The following SEL1L3 variants were observed in gnomAD, a reference collection of about 807,000 sequenced individuals.
SEL1L3 encodes protein sel-1 homolog 3.
In SEL1L3, 76 loss-of-function variants were observed where a neutral mutation model predicts 142.8. The observed-to-expected ratio is 0.53, with a 90% CI of 0.44 to 0.64. The LOEUF (loss-of-function observed/expected upper bound fraction) is 0.64, where lower values mean the gene tolerates loss of function less well. Among genes scored for constraint, SEL1L3 ranks in the 30% least tolerant of loss-of-function variants. The pLI, the probability that SEL1L3 is intolerant of heterozygous loss-of-function variation, is 0.00. For synonymous variants in SEL1L3, 504 were observed against 519.6 expected (o/e 0.97, Z 0.41); for missense variants, 1,262 against 1,381.7 (o/e 0.91, Z 1.37).
At chr4:25,743,381 G>A (rs891287612), downstream of SEL1L3, among the ~76,000 whole-genome samples, 1 of 152,154 alleles carries the variant, frequency 6.6e-6, no homozygotes, top group Non-Finnish European at 1.5e-5. Context: ...CCTACCCTCT[G>A]TTAACCCAAA....
At chr4:25,803,632 A>C (rs1480373064) in intron 10 of SEL1L3, among the ~76,000 whole-genome samples, 1 of 152,194 alleles carries the variant, frequency 6.6e-6, no homozygotes, top group Non-Finnish European at 1.5e-5. Context: ...GGTAAGCTAC[A>C]CAGACGGCCT....
Position 25,833,558 on chromosome 4 carries a change from G to T in SEL1L3, c.872C>A (p.Ser291Ter). ...ATAATGGAGTAAATAAAGCCACAATGAAACAGTAAACCTATAAGAGTGAGG... is the reference window on the plus strand; with the variant it reads ...ATAATGGAGTAAATAAAGCCACAATTAAACAGTAAACCTATAAGAGTGAGG... ...QRMDYPVFTVSLWLYLLHYCK... is the reference protein window; with the variant it reads ...QRMDYPVFTV Residue 291 changes from serine (S) to a stop codon, truncating the protein, a stop_gained, in exon 4 of 24, where the codon TCA becomes TAA. Coordinates refer to ENST00000399878, the MANE Select transcript of SEL1L3 (RefSeq NM_015187.5). LOFTEE classifies it high-confidence loss of function. 1.9e-6 allele frequency: 3 copies of T among 1,611,222 alleles called. No homozygotes were observed. The highest frequency in any genetic ancestry group is 2.5e-6 in the Non-Finnish European group (3 of 1,178,664).
chr4:25,716,729 T>A, the SEL1L3 span, among the ~76,000 whole-genome samples: 1 of 152,178 alleles, frequency 6.6e-6, no homozygotes, highest in African/African-American at 2.4e-5. Flanking sequence ...TAAAGAATAT[T>A]ACTTAAATAA....
intron 1 of SEL1L3, among the ~76,000 whole-genome samples, chr4:25,859,682 G>C (rs1352074762): frequency 2.0e-5 from 3 of 152,180 alleles, no homozygotes; most frequent in Non-Finnish European, 4.4e-5. Context: ...TGCATTCCAA[G>C]GCACATTTGC....
At chr4:25,770,172 GT>G (rs1409306052) in intron 17 of SEL1L3, 1 of 152,160 alleles carries the variant, frequency 6.6e-6, no homozygotes, top group East Asian at 1.9e-4. Flanking sequence ...CAATAGGCTG[GT>G]TGTCAGAATG....
chr4:25,841,123 C>T (rs1251484578), intron 2 of SEL1L3, among the ~76,000 whole-genome samples: 1 of 152,052 alleles, frequency 6.6e-6, no homozygotes, highest in Non-Finnish European at 1.5e-5. Context: ...GCCTCCATCT[C>T]CTGAATTCAA....
chr4:25,797,108 A>G (rs1373026688), intron 11 of SEL1L3, among the ~76,000 whole-genome samples: 1 of 150,842 alleles, frequency 6.6e-6, no homozygotes, highest in African/African-American at 2.4e-5. Flanking sequence ...GAAGTGGAAA[A>G]GAGAGAAAGA....
At chr4:25,772,064 C>G (rs942190569) in intron 17 of SEL1L3, among the ~76,000 whole-genome samples, 2 of 152,074 alleles carry the variant, frequency 1.3e-5, no homozygotes, top group Non-Finnish European at 2.9e-5. Flanking sequence ...ACTGGGACAT[C>G]GATGGATGAT....
chr4:25,733,972 A>C, the SEL1L3 span, among the ~76,000 whole-genome samples: 1 of 152,280 alleles, frequency 6.6e-6, no homozygotes, highest in Middle Eastern at 3.4e-3. Flanking sequence ...ACTTTTTATC[A>C]GATTGAGGAA....
chr4:25,850,402 C>A lies in SEL1L3; in HGVS notation c.163-2538G>T, dbSNP rs73117363. On this transcript the variant is annotated intron_variant, in intron 1 of 23. Transcript: ENST00000399878. ...AACTGCACTGAGATACCATTTTTTCCCTACTAGATTTGCAAAGATCAAAAA... is the reference window on the plus strand; with the variant it reads ...AACTGCACTGAGATACCATTTTTTCACTACTAGATTTGCAAAGATCAAAAA... 8.0e-3 allele frequency among the ~76,000 whole-genome samples: 1,211 copies of A among 152,158 alleles called. 15 individuals are homozygous for A. The highest frequency in any genetic ancestry group is 0.027 in the African/African-American group (1,131 of 41,512).
chr4:25,837,166 G>C (rs1159911164), intron 2 of SEL1L3, among the ~76,000 whole-genome samples: 1 of 150,006 alleles, frequency 6.7e-6, no homozygotes, highest in Non-Finnish European at 1.5e-5. Flanking sequence ...TGGAAGTACT[G>C]CAAAGGTTTT....
chr4:25,798,142 G>A (rs1022611570), intron 11 of SEL1L3, among the ~76,000 whole-genome samples: 3 of 152,256 alleles, frequency 2.0e-5, no homozygotes, highest in South Asian at 4.1e-4. Flanking sequence ...CGTCTCATAC[G>A]GCATCCGATG....
chr4:25,739,712 A>C, the SEL1L3 span, among the ~76,000 whole-genome samples: 12 of 146,172 alleles, frequency 8.2e-5, no homozygotes, highest in South Asian at 1.9e-3. Context: ...TCAAAAAAAA[A>C]CAAAAAACAA....
At chr4:25,853,885 T>C (rs1717067296) in intron 1 of SEL1L3, among the ~76,000 whole-genome samples, 1 of 152,136 alleles carries the variant, frequency 6.6e-6, no homozygotes, top group Non-Finnish European at 1.5e-5. Context: ...TTGGCCAGGC[T>C]GGTCTCGAAC....
chr4:25,768,333 C>T (rs774999123), intron 17 of SEL1L3, among the ~76,000 whole-genome samples: 3 of 152,098 alleles, frequency 2.0e-5, no homozygotes, highest in Non-Finnish European at 4.4e-5. Context: ...GGCCAAAACA[C>T]GTATGAGAAA....
At chr4:25,771,205 A>T (rs1478239729) in intron 17 of SEL1L3, among the ~76,000 whole-genome samples, 1 of 152,246 alleles carries the variant, frequency 6.6e-6, no homozygotes, top group Non-Finnish European at 1.5e-5. Flanking sequence ...CAAGCTGCAA[A>T]ACTATTGTCC....
At chr4:25,721,243 A>G in the SEL1L3 span, among the ~76,000 whole-genome samples, 1 of 151,968 alleles carries the variant, frequency 6.6e-6, no homozygotes, top group East Asian at 1.9e-4. Context: ...AGTATTAAGA[A>G]GCTGAGTTCT....
intron 9 of SEL1L3, among the ~76,000 whole-genome samples, chr4:25,816,054 T>C (rs1714369597): frequency 1.4e-5 from 2 of 147,974 alleles, no homozygotes; most frequent in Admixed American, 6.8e-5. Context: ...TGTATATATA[T>C]GAAATACTTA....
intron 20 of SEL1L3, among the ~76,000 whole-genome samples, chr4:25,762,125 T>G (rs995564280): frequency 5.3e-5 from 8 of 152,156 alleles, no homozygotes; most frequent in Admixed American, 4.6e-4. Flanking sequence ...ATTTTTGTAT[T>G]TTTAGCAGAG....
Sources: gnomAD v4.1 joint callset for allele counts (sites outside exome capture counted in the v4.1 genomes callset) on GRCh38, gnomAD v4.1.1 for gene constraint, MANE v1.5 for transcripts, NCBI Gene and HGNC (gene_info 2026-07-23, HGNC 2026-07-21) for gene names.